Variants in GPHN observed in about 807,000 individuals in gnomAD.
GPHN encodes gephyrin.
In GPHN, 17 loss-of-function variants were observed where a neutral mutation model predicts 95.5. The observed-to-expected ratio is 0.18, with a 90% CI of 0.12 to 0.27. GPHN has a LOEUF of 0.27. Among genes scored for constraint, GPHN ranks in the 10% least tolerant of loss-of-function variants. The probability of loss-of-function intolerance (pLI) is 1.00; values close to 1 mark genes in which losing one functional copy is unlikely to be tolerated. For missense variants in GPHN, 660 were observed against 978.1 expected, an observed-to-expected ratio of 0.67 and a Z score of 4.34; for synonymous variants, 320 against 322.5, an observed-to-expected ratio of 0.99 and a Z score of 0.08.
At chr14:67,264,221 GT>G in the GPHN span, among the ~76,000 whole-genome samples, 4 of 152,072 alleles carry the variant, frequency 2.6e-5, no homozygotes, top group African/African-American at 9.7e-5. Context: ...CTGTCTCCTC[GT>G]TTGTCATTGG....
the GPHN span, chr14:67,690,478 C>G: frequency 1.3e-6 from 2 of 1,490,186 alleles, no homozygotes; most frequent in African/African-American, 1.4e-5. Flanking sequence ...TGACAGGAGT[C>G]GTGGTGAGCA....
the GPHN span, among the ~76,000 whole-genome samples, chr14:67,522,526 GCC>G: frequency 6.6e-6 from 1 of 152,202 alleles, no homozygotes. Context: ...GACACTGTGT[GCC>G]TGTCCCAACT....
At chr14:66,564,907 T>C (rs993813610) in intron 1 of GPHN, among the ~76,000 whole-genome samples, 2 of 152,164 alleles carry the variant, frequency 1.3e-5, no homozygotes, top group Admixed American at 1.3e-4. Flanking sequence ...CTTGGGAATA[T>C]GGCCTTTACT....
At chr14:66,606,450 C>T (rs1419830897) in intron 1 of GPHN, among the ~76,000 whole-genome samples, 4 of 151,964 alleles carry the variant, frequency 2.6e-5, no homozygotes, top group African/African-American at 9.7e-5. Context: ...ATTGCCTTGG[C>T]GATTTGGGAT....
chr14:66,589,537 TA>T (rs200107397), intron 1 of GPHN, among the ~76,000 whole-genome samples: 38 of 143,434 alleles, frequency 2.6e-4, no homozygotes, highest in African/African-American at 5.3e-4. Context: ...CCAACAAAGA[TA>T]AAAAAAAAAG....
the GPHN span, among the ~76,000 whole-genome samples, chr14:67,721,183 A>G: frequency 6.6e-6 from 1 of 152,162 alleles, no homozygotes; most frequent in Non-Finnish European, 1.5e-5. Context: ...ACAGGAAGGG[A>G]CAGAACTGGG....
intron 3 of GPHN, among the ~76,000 whole-genome samples, chr14:66,777,775 C>T (rs1595874164): frequency 6.6e-6 from 1 of 152,082 alleles, no homozygotes; most frequent in African/African-American, 2.4e-5. Flanking sequence ...ATTCAACAAC[C>T]CTTCATGCTA....
At chr14:67,022,005 T>C (rs2073656602) in intron 9 of GPHN, among the ~76,000 whole-genome samples, 1 of 152,116 alleles carries the variant, frequency 6.6e-6, no homozygotes, top group Non-Finnish European at 1.5e-5. Flanking sequence ...GATTTTTCTC[T>C]CACTCTTCTA....
At chr14:67,598,237 G>A in the GPHN span, among the ~76,000 whole-genome samples, 2 of 152,204 alleles carry the variant, frequency 1.3e-5, no homozygotes, top group Non-Finnish European at 2.9e-5. Context: ...AAGTGTTGCA[G>A]TAGAGTTTAA....
At chr14:67,586,196 C>T in the GPHN span, 2 of 1,368,830 alleles carry the variant, frequency 1.5e-6, no homozygotes, top group East Asian at 4.6e-5. Context: ...CTGCAAGGGC[C>T]CTGCCCAGAT....
chr14:67,563,032 G>A, the GPHN span: 7 of 824,114 alleles, frequency 8.5e-6, no homozygotes, highest in African/African-American at 8.6e-5. Flanking sequence ...GTACCATGGA[G>A]CCTGTGCAGA....
intron 1 of GPHN, among the ~76,000 whole-genome samples, chr14:66,646,999 C>CA (rs1219101245): frequency 2.0e-5 from 3 of 151,764 alleles, no homozygotes; most frequent in African/African-American, 7.3e-5. Flanking sequence ...CAGGCTGAAG[C>CA]AATCCTCTTT....
rs577825411 is a variant in GPHN, at chr14:66,684,179, C to T, written c.143+2994C>T. On this transcript the variant is annotated intron_variant, in intron 2 of 22. Transcript: ENST00000478722. ...TATTATGACTCACCCATTTGAGCTG[C>T]TGATACTGAAAGGAGTTGATGGTAA... 8.5e-5 allele frequency among the ~76,000 whole-genome samples: 13 copies of T among 152,140 alleles called. No individual in the cohort carries two copies. The East Asian group carries it at 2.1e-3, about 25-fold the overall frequency.
At chr14:66,576,156 G>A (rs1268597801) in intron 1 of GPHN, among the ~76,000 whole-genome samples, 2 of 152,076 alleles carry the variant, frequency 1.3e-5, no homozygotes, top group Admixed American at 6.5e-5. Context: ...CTGGCCTGGT[G>A]CCTTGGGTTG....
chr14:66,811,194 A>G (rs182834775), intron 3 of GPHN, among the ~76,000 whole-genome samples: 5 of 152,290 alleles, frequency 3.3e-5, no homozygotes, highest in Admixed American at 6.5e-5. Context: ...GTTGGGTACT[A>G]TGTTCATTAC....
chr14:66,893,913 A>G (rs1467785841), intron 5 of GPHN, among the ~76,000 whole-genome samples: 2 of 152,222 alleles, frequency 1.3e-5, no homozygotes, highest in Non-Finnish European at 2.9e-5. Context: ...AGGAAGAATC[A>G]ATATCGTGAA....
At chr14:67,272,367 T>C in the GPHN span, among the ~76,000 whole-genome samples, 1 of 152,200 alleles carries the variant, frequency 6.6e-6, no homozygotes, top group African/African-American at 2.4e-5. Flanking sequence ...ATCTTGTCTT[T>C]AAGGCCTACT....
intron 5 of GPHN, among the ~76,000 whole-genome samples, chr14:66,912,689 A>C (rs977424329): frequency 1.3e-5 from 2 of 152,128 alleles, no homozygotes; most frequent in Non-Finnish European, 2.9e-5. Flanking sequence ...CCAATGCCTT[A>C]AGAATACATT....
chr14:66,560,868 A>G (rs985748237), intron 1 of GPHN, among the ~76,000 whole-genome samples: 2 of 152,078 alleles, frequency 1.3e-5, no homozygotes, highest in African/African-American at 2.4e-5. Context: ...GTATGATATC[A>G]GCTGTGGGTT....
Sources: gnomAD v4.1 joint callset for allele counts (sites outside exome capture counted in the v4.1 genomes callset) on GRCh38, gnomAD v4.1.1 for gene constraint, MANE v1.5 for transcripts, NCBI Gene and HGNC (gene_info 2026-07-23, HGNC 2026-07-21) for gene names.